Variants in VAV2 observed in about 807,000 individuals in gnomAD.
VAV2 encodes guanine nucleotide exchange factor VAV2.
A neutral mutation model predicts 132.5 loss-of-function variants in VAV2; 67 were observed. That is an observed-to-expected ratio of 0.51 (90% CI 0.42 to 0.62). VAV2 has a LOEUF of 0.62. Among genes scored for constraint, VAV2 ranks in the 20% least tolerant of loss-of-function variants. The pLI, the probability that VAV2 is intolerant of heterozygous loss-of-function variation, is 0.00. For synonymous variants in VAV2, 492 were observed against 443.5 expected, an observed-to-expected ratio of 1.11 and a Z score of -1.37; for missense variants, 938 against 1,153.6, an observed-to-expected ratio of 0.81 and a Z score of 2.71.
chr9:133,825,753 A>G (rs951161556), intron 4 of VAV2, among the ~76,000 whole-genome samples: 4 of 152,154 alleles, frequency 2.6e-5, no homozygotes, highest in Non-Finnish European at 5.9e-5. Context: ...CAAAGGGCAC[A>G]GCACAGAGTG....
At chr9:133,920,306 G>A (rs1033882902) in intron 2 of VAV2, among the ~76,000 whole-genome samples, 2 of 152,226 alleles carry the variant, frequency 1.3e-5, no homozygotes, top group Non-Finnish European at 2.9e-5. Flanking sequence ...AGGCCTCAGT[G>A]TCCCCACTGC....
chr9:133,914,693 AG>A (rs1839997692), intron 2 of VAV2, among the ~76,000 whole-genome samples: 1 of 22,296 alleles, frequency 4.5e-5, no homozygotes, highest in Non-Finnish European at 8.3e-5. Context: ...GGGGGAGGGA[AG>A]CGGGAGGGGA....
intron 1 of VAV2, among the ~76,000 whole-genome samples, chr9:133,982,092 G>A (rs1365806968): frequency 6.6e-6 from 1 of 152,226 alleles, no homozygotes; most frequent in Non-Finnish European, 1.5e-5. Context: ...GCAGGCCTGG[G>A]GGCAGGAAAG....
At chr9:133,907,931 T>G (rs1034821608) in intron 2 of VAV2, among the ~76,000 whole-genome samples, 1 of 29,144 alleles carries the variant, frequency 3.4e-5, no homozygotes, top group African/African-American at 1.5e-4. Context: ...CATGCCCCCC[T>G]TCCTTCACCA....
chr9:133,915,442 T>A (rs377033545), intron 2 of VAV2, among the ~76,000 whole-genome samples: 3 of 152,294 alleles, frequency 2.0e-5, no homozygotes, highest in East Asian at 1.9e-4. Flanking sequence ...GGTGGTGCAA[T>A]GAGGAAGTCT....
intron 1 of VAV2, among the ~76,000 whole-genome samples, chr9:133,941,179 G>A (rs144082411): frequency 5.0e-4 from 76 of 152,214 alleles, no homozygotes; most frequent in African/African-American, 1.7e-3. Flanking sequence ...AGGCCGAGGC[G>A]GGTAGATCAC....
At chr9:133,947,993 G>A (rs969184437) in intron 1 of VAV2, among the ~76,000 whole-genome samples, 5 of 152,054 alleles carry the variant, frequency 3.3e-5, no homozygotes, top group South Asian at 2.1e-4. Context: ...CTTTCCCCAC[G>A]TTGGCCAGGC....
At chr9:133,772,739 T>G (rs1256450640) in intron 25 of VAV2, among the ~76,000 whole-genome samples, 2 of 152,024 alleles carry the variant, frequency 1.3e-5, no homozygotes, top group Admixed American at 6.6e-5. Context: ...TCCCATACAG[T>G]CAGGCGGCGT....
intron 1 of VAV2, among the ~76,000 whole-genome samples, chr9:133,943,227 A>G (rs1841235380): frequency 6.6e-6 from 1 of 152,178 alleles, no homozygotes; most frequent in Non-Finnish European, 1.5e-5. Flanking sequence ...CTCTGGAGCC[A>G]ATCAGAGCCT....
chr9:133,941,416 G>A (rs201127744), intron 1 of VAV2, among the ~76,000 whole-genome samples: 47 of 148,202 alleles, frequency 3.2e-4, no homozygotes, highest in Non-Finnish European at 3.6e-4. Flanking sequence ...TCAAAAAAAA[G>A]AAAAAAAAAA....
chr9:133,992,215 G>A lies in VAV2; in HGVS notation c.64C>T (p.Arg22Trp). Residue 22 changes from arginine (R) to tryptophan (W), a missense_variant, in exon 1 of 30, where the codon CGG becomes TGG. Transcript: ENST00000371850. The surrounding 1 kb of genome is among the most constrained non-coding windows in gnomAD (Gnocchi z 5.5). ...ACCACGGCCGAGGGCCACACCACCC[G>A]GTGGTTGGGCGGCAGGACCTTGCAA... ...IDCKVLPPNHRVVWPSAVVFD... is the reference protein window; with the variant it reads ...IDCKVLPPNHWVVWPSAVVFD... 1.3e-6 allele frequency: 2 copies of A among 1,594,576 alleles called. No homozygotes were observed. The highest frequency in any genetic ancestry group is 1.7e-6 in the Non-Finnish European group (2 of 1,171,108).
At chr9:133,837,207 G>A (rs910512464) in intron 3 of VAV2, among the ~76,000 whole-genome samples, 2 of 152,202 alleles carry the variant, frequency 1.3e-5, no homozygotes, top group African/African-American at 4.8e-5. Context: ...TGTACTTAGG[G>A]GGGCCCAACA....
At position 133,785,763 on chromosome 9, in the gene VAV2, C is replaced by A; in HGVS notation, c.1532+13G>T. On this transcript the variant is annotated intron_variant, in intron 17 of 29. Coordinates refer to ENST00000371850, the MANE Select transcript of VAV2 (RefSeq NM_001134398.2). ...TCTGCCAGGGACCTGGGGGCTGCCGCCCTGGAACTCACATGGCCATCTCAA... is the reference window on the plus strand; with the variant it reads ...TCTGCCAGGGACCTGGGGGCTGCCGACCTGGAACTCACATGGCCATCTCAA... 1 of 1,613,040 alleles carries A rather than the reference C, an allele frequency of 6.2e-7. No homozygotes were observed. Among genetic ancestry groups the A allele is most frequent in the South Asian group, 1.1e-5 (1 of 91,040 alleles).
Position 133,919,740 on chromosome 9 carries a change from G to A in VAV2, c.321+19363C>T, listed in dbSNP as rs1027979652. On this transcript the variant is annotated intron_variant, in intron 2 of 29. Coordinates refer to ENST00000371850, the MANE Select transcript of VAV2 (RefSeq NM_001134398.2). The surrounding 1 kb of genome is among the most constrained non-coding windows in gnomAD (Gnocchi z 5.8). ...GGCCAGATGGACGTGGCCAGTCTCAGGGGAGCAACACAAACAGCGCATTCT... is the reference window on the plus strand; with the variant it reads ...GGCCAGATGGACGTGGCCAGTCTCAAGGGAGCAACACAAACAGCGCATTCT... Among the ~76,000 whole-genome samples the A allele has an allele frequency of 2.0e-5, 3 of 152,196 alleles. No individual in the cohort carries two copies. The highest frequency in any genetic ancestry group is 4.4e-5 in the Non-Finnish European group (3 of 68,042).
chr9:133,807,119 C>A, intron 8 of VAV2, 139 bp downstream of exon 8: 6 of 966,654 alleles, frequency 6.2e-6, no homozygotes, highest in Non-Finnish European at 8.8e-6. Flanking sequence ...GGTGGGGGCT[C>A]CTCCTTCCGG....
chr9:133,790,492 T>C (rs1834409948), intron 13 of VAV2, among the ~76,000 whole-genome samples: 1 of 152,186 alleles, frequency 6.6e-6, no homozygotes, highest in Non-Finnish European at 1.5e-5. Flanking sequence ...TGCTGTTTAA[T>C]GAACAAGTAT....
At chr9:133,929,166 A>G (rs1840586526) in intron 2 of VAV2, among the ~76,000 whole-genome samples, 1 of 152,186 alleles carries the variant, frequency 6.6e-6, no homozygotes, top group African/African-American at 2.4e-5. Context: ...GATCCTCGGC[A>G]TCACAACCTG....
At chr9:133,952,119 C>G (rs537085833) in intron 1 of VAV2, among the ~76,000 whole-genome samples, 9 of 152,228 alleles carry the variant, frequency 5.9e-5, no homozygotes, top group African/African-American at 1.7e-4. Context: ...AAGGCCCCAG[C>G]TCCTAATAAC....
intron 6 of VAV2, among the ~76,000 whole-genome samples, chr9:133,809,344 G>A (rs969959719): frequency 2.0e-5 from 3 of 152,180 alleles, no homozygotes; most frequent in Admixed American, 2.0e-4. Flanking sequence ...AGAAACTGAC[G>A]CACGGGGAGG....
Sources: allele counts gnomAD v4.1 joint callset (sites outside exome capture counted in the v4.1 genomes callset), GRCh38; gene constraint gnomAD v4.1.1; non-coding constraint Gnocchi (gnomAD v3.1); transcripts MANE v1.5; gene names NCBI Gene and HGNC (gene_info 2026-07-23, HGNC 2026-07-21).